Variants in PHF5A observed in about 807,000 individuals in gnomAD.
The protein encoded by PHF5A is PHD finger-like domain-containing protein 5A.
For synonymous variants in PHF5A, 52 were observed against 46.0 expected (o/e 1.13, Z -0.52); for missense variants, 24 against 140.6 (o/e 0.17, Z 4.19).
At chr22:41,467,293 G>A (rs2037874640) in intron 3 of PHF5A, among the ~76,000 whole-genome samples, 155 bp downstream of exon 3, 1 of 152,056 alleles carries the variant, frequency 6.6e-6, no homozygotes, top group South Asian at 2.1e-4. Context: ...CCTTTTATTG[G>A]ACTACACCCA....
intron 3 of PHF5A, among the ~76,000 whole-genome samples, chr22:41,464,541 G>A (rs1440540602): frequency 6.6e-6 from 1 of 152,194 alleles, no homozygotes; most frequent in South Asian, 2.1e-4. Flanking sequence ...GTGAAGTAGG[G>A]GAAGTGACAT....
intron 1 of PHF5A, 118 bp downstream of exon 1, chr22:41,468,484 A>AGAGGCGGGAAACGTGGCGCCTGC (rs2037893839): frequency 1.7e-6 from 2 of 1,191,718 alleles, no homozygotes; most frequent in African/African-American, 3.0e-5. Context: ...CCCGCGCCTG[A>AGAGGCGGGAAACGTGGCGCCTGC]GAGGCGGGAA....
chr22:41,462,555 C>T (rs895593818), intron 3 of PHF5A, among the ~76,000 whole-genome samples: 2 of 152,228 alleles, frequency 1.3e-5, no homozygotes, highest in African/African-American at 2.4e-5. Flanking sequence ...TTCATGTCCT[C>T]GTAAAAATGA....
chr22:41,467,915 G>T (rs2037883714), intron 2 of PHF5A: 2 of 623,006 alleles, frequency 3.2e-6, no homozygotes, highest in African/African-American at 3.7e-5. Flanking sequence ...CTACTCTGGC[G>T]ATTCTTCCCG....
chr22:41,460,350 G>T lies in PHF5A; in HGVS notation c.*48C>A. The T allele has an allele frequency of 6.9e-7, 1 of 1,455,918 alleles. No homozygotes were observed. Among genetic ancestry groups the T allele is most frequent in the Non-Finnish European group, 9.5e-7 (1 of 1,051,894 alleles). The allele number at this position is 1,455,918 out of a possible 1,614,324, so 90.2% of individuals were successfully genotyped here. On this transcript the variant is annotated 3_prime_UTR_variant, in exon 4 of 4. Transcript: ENST00000216252. ...CTGGTAGTAGTAGGCATGTTTTCTG[G>T]CAGCTGCAGCAGACTGATGTTGGGG...
chr22:41,460,724 G>GAAA (rs33913007), intron 3 of PHF5A, among the ~76,000 whole-genome samples: 10 of 148,056 alleles, frequency 6.8e-5, no homozygotes, highest in Non-Finnish European at 1.3e-4. Context: ...CCCATCTCTT[G>GAAA]AAAAAAAAAA....
At chr22:41,465,526 C>G (rs1215713098) in intron 3 of PHF5A, among the ~76,000 whole-genome samples, 1 of 152,090 alleles carries the variant, frequency 6.6e-6, no homozygotes, top group Non-Finnish European at 1.5e-5. Flanking sequence ...GATCCAAGTG[C>G]GTGAAATGAG....
In PHF5A at chr22:41,460,347, C is replaced by G. The variant is rs1456369912; in HGVS notation, c.*51G>C. 1 of 1,449,822 alleles carries G rather than the reference C, an allele frequency of 6.9e-7. No individual in the cohort carries two copies. The highest frequency in any genetic ancestry group is 9.6e-7 in the Non-Finnish European group (1 of 1,046,268). 89.8% of individuals were successfully genotyped at this position (1,449,822 alleles called of 1,614,324 possible). A position where few individuals can be genotyped will look rare whatever the true frequency, so the allele number is the denominator to read the frequency against. ...CTGCTGGTAGTAGTAGGCATGTTTT[C>G]TGGCAGCTGCAGCAGACTGATGTTG... On this transcript the variant is annotated 3_prime_UTR_variant, in exon 4 of 4. Coordinates refer to ENST00000216252, the MANE Select transcript of PHF5A (RefSeq NM_032758.4).
At chr22:41,468,568 T>C (rs1568996312) in intron 1 of PHF5A, 34 bp downstream of exon 1, 1 of 1,612,348 alleles carries the variant, frequency 6.2e-7, no homozygotes. Flanking sequence ...ATACCACCCC[T>C]GCCCAGACAG....
chr22:41,468,276 T>G, intron 1 of PHF5A, 129 bp from the exon 2 acceptor site: 1 of 822,178 alleles, frequency 1.2e-6, no homozygotes, highest in African/African-American at 1.7e-5. Flanking sequence ...GGATAGCCAT[T>G]TTATCATTAC....
rs781071644 is a variant in PHF5A at position 41,468,682 on chromosome 22, C to A, written c.-29G>T. On this transcript the variant is annotated 5_prime_UTR_variant, in exon 1 of 4. Coordinates refer to ENST00000216252, the MANE Select transcript of PHF5A (RefSeq NM_032758.4). ...TCCTAACTAAGCCGGCCACCGGAAGCTTCGGGAACTTCCGTCCGACCTTTA... is the reference window on the plus strand; with the variant it reads ...TCCTAACTAAGCCGGCCACCGGAAGATTCGGGAACTTCCGTCCGACCTTTA... 6.2e-7 allele frequency: 1 copy of A among 1,609,548 alleles called. No homozygotes were observed. The highest frequency in any genetic ancestry group is 2.2e-5 in the East Asian group (1 of 44,854).
At chr22:41,468,394 A>T in intron 1 of PHF5A, 1 of 395,398 alleles carries the variant, frequency 2.5e-6, no homozygotes, top group Non-Finnish European at 4.8e-6. Flanking sequence ...CCACCCCCCG[A>T]TACCTGCCTG....
intron 1 of PHF5A, 197 bp from the exon 2 acceptor site, chr22:41,468,344 C>T (rs2037890492): frequency 4.6e-6 from 3 of 653,320 alleles, no homozygotes; most frequent in South Asian, 3.8e-5. Context: ...CCTCCAACGC[C>T]CTGGGCAAGC....
At chr22:41,461,978 A>G (rs2037830810) in intron 3 of PHF5A, among the ~76,000 whole-genome samples, 1 of 152,182 alleles carries the variant, frequency 6.6e-6, no homozygotes, top group Non-Finnish European at 1.5e-5. Context: ...TTTAAATACC[A>G]TAGGAGACTA....
intron 3 of PHF5A, among the ~76,000 whole-genome samples, 180 bp downstream of exon 3, chr22:41,467,268 G>C (rs1266160232): frequency 6.6e-6 from 1 of 152,024 alleles, no homozygotes; most frequent in African/African-American, 2.4e-5. Context: ...TCTTCCCCTT[G>C]ATGCAAAATA....
At chr22:41,468,511 G>T (rs1440125013) in intron 1 of PHF5A, 91 bp downstream of exon 1, 30 of 1,421,182 alleles carry the variant, frequency 2.1e-5, no homozygotes, top group Non-Finnish European at 2.9e-5. Context: ...CGCCTGCGAG[G>T]CAAGCCCCTA....
At chr22:41,466,017 C>T (rs2037863789) in intron 3 of PHF5A, among the ~76,000 whole-genome samples, 1 of 152,142 alleles carries the variant, frequency 6.6e-6, no homozygotes, top group East Asian at 1.9e-4. Context: ...ATTTCACAAA[C>T]TTATTGTGAG....
At chr22:41,462,218 C>T (rs904375186) in intron 3 of PHF5A, among the ~76,000 whole-genome samples, 12 of 152,198 alleles carry the variant, frequency 7.9e-5, no homozygotes, top group East Asian at 7.7e-4. Flanking sequence ...GGAGAAAAAC[C>T]GGGGAAGCTG....
intron 2 of PHF5A, 149 bp from the exon 3 acceptor site, chr22:41,467,763 G>C: frequency 1.1e-6 from 1 of 909,788 alleles, no homozygotes; most frequent in South Asian, 1.7e-5. Flanking sequence ...ACAAAACTTG[G>C]TTTCCCCAGT....
Sources: allele counts gnomAD v4.1 joint callset (sites outside exome capture counted in the v4.1 genomes callset), GRCh38; gene constraint gnomAD v4.1.1; transcripts MANE v1.5; gene names NCBI Gene and HGNC (gene_info 2026-07-23, HGNC 2026-07-21).